The following ZNF497 variants were observed in gnomAD, a reference collection of about 807,000 sequenced individuals.
ZNF497 encodes zinc finger protein 497.
For missense variants in ZNF497, 930 were observed against 714.0 expected (o/e 1.30, Z -3.45); for synonymous variants, 422 against 313.7 (o/e 1.35, Z -3.65).
In ZNF497 at chr19:58,356,759, GGTGCTGCC is replaced by G; in HGVS notation, c.869_876del (p.Arg290ProfsTer35). 6.4e-7 allele frequency: 1 copy of G among 1,561,772 alleles called. No individual in the cohort carries two copies. On this transcript the variant is annotated frameshift_variant, in exon 3 of 3. Coordinates refer to ENST00000311044, the MANE Select transcript of ZNF497 (RefSeq NM_198458.3). Reference sequence around the variant, plus strand: ...GGCTTCTCGCTGCTGTGCGTGCGCCGGTGCTGCCGCAGCCCCGCCACACGCACGAAGGC... The same window carrying G: ...GGCTTCTCGCTGCTGTGCGTGCGCCGGCAGCCCCGCCACACGCACGAAGGC...
In ZNF497 at chr19:58,356,959, G is replaced by A. The variant is rs1340873169; in HGVS notation, c.677C>T (p.Ala226Val). The change falls in exon 3 of 3, where the codon GCC becomes GTC. Residue 226 changes from alanine (A) to valine (V), a missense_variant. Coordinates refer to ENST00000311044, the MANE Select transcript of ZNF497 (RefSeq NM_198458.3). ...CAGGAAATTGGAGTTCCAGCTGAAG[G>A]CCTTGCCGCACTCCGGGCACTCGTA... ...KPYECPECGK[A>V]FSWNSNFLEH... 2 of 1,606,286 alleles carry A rather than the reference G, an allele frequency of 1.2e-6. No individual in the cohort carries two copies. Among genetic ancestry groups the A allele is most frequent in the South Asian group, 2.2e-5 (2 of 90,678 alleles).
At chr19:58,358,988 G>A (rs530821679) in intron 1 of ZNF497, 17 of 476,282 alleles carry the variant, frequency 3.6e-5, no homozygotes, top group African/African-American at 5.9e-5. Flanking sequence ...CTGCTCCTGC[G>A]TGTAGGCCTG....
intron 1 of ZNF497, among the ~76,000 whole-genome samples, chr19:58,361,775 AACG>A (rs980819762): frequency 7.9e-5 from 12 of 152,352 alleles, no homozygotes; most frequent in African/African-American, 2.6e-4. Context: ...ATTTTAAAAA[AACG>A]ACATCTGATT....
Position 58,356,150 on chromosome 19 carries a change from C to T in ZNF497, c.1486G>A (p.Ala496Thr), listed in dbSNP as rs774853662. ...NEHQKRHGGR[A>T]AP ...AGGGCGTCCTCGGGTCAGGGCGCAG[C>T]GCGGCCCCCGTGCCGCTTCTGGTGC... Residue 496 changes from alanine to threonine, a missense_variant, in exon 3 of 3, where the codon GCT (alanine) becomes ACT (threonine). Coordinates refer to ENST00000311044, the MANE Select transcript of ZNF497 (RefSeq NM_198458.3). 7 of 1,559,684 alleles carry T rather than the reference C, an allele frequency of 4.5e-6. No homozygotes were observed. Among genetic ancestry groups the T allele is most frequent in the Non-Finnish European group, 1.7e-6 (2 of 1,152,816 alleles).
rs374628151 is a variant in ZNF497, at chr19:58,356,510, G to C, written c.1126C>G (p.His376Asp). The C allele has an allele frequency of 6.5e-7, 1 of 1,550,042 alleles. No individual in the cohort carries two copies. Among genetic ancestry groups the C allele is most frequent in the African/African-American group, 1.4e-5 (1 of 73,398 alleles). The part of the protein sequence containing the change: ...AFSQRSNLLS[H>D]RRTHSGAKPF... ...TTGGCGCCCGAGTGCGTGCGCCGGT[G>C]GCTCAGTAGGTTGGAGCGCTGGCTG... Residue 376 changes from histidine (H) to aspartate (D), a missense_variant, in exon 3 of 3, where the codon CAC becomes GAC. By Grantham distance (81) the His-to-Asp change is moderately conservative. Transcript: ENST00000311044.
chr19:58,359,605 CAG>C, intron 1 of ZNF497: 1 of 381,056 alleles, frequency 2.6e-6, no homozygotes, highest in Non-Finnish European at 5.3e-6. Context: ...ACAACTAAGA[CAG>C]AGACTGTGAA....
Position 58,356,888 on chromosome 19 carries a change from C to A in ZNF497, c.748G>T (p.Asp250Tyr), listed in dbSNP as rs1182927125. The A allele has an allele frequency of 6.3e-7, 1 of 1,590,494 alleles. No homozygotes were observed. The highest frequency in any genetic ancestry group is 8.5e-7 in the Non-Finnish European group (1 of 1,173,830). ...HTGARPHACR[D>Y]CGKAFSQSSN... ...CTCTGGCTGAAGGCCTTGCCACAGT[C>A]CCGGCAGGCGTGCGGCCGCGCGCCC... Residue 250 changes from aspartate to tyrosine, a missense_variant, in exon 3 of 3, where the codon GAC becomes TAC. Physicochemically the swap from Asp to Tyr is radical, Grantham distance 160. Transcript: ENST00000311044.
intron 1 of ZNF497, chr19:58,359,564 T>A (rs1171633448): frequency 2.3e-6 from 1 of 428,636 alleles, no homozygotes; most frequent in Admixed American, 2.5e-5. Flanking sequence ...CCCTGCCCTG[T>A]CTCCTTGGCA....
At chr19:58,362,159 G>A (rs890814881) in intron 1 of ZNF497, among the ~76,000 whole-genome samples, 1 of 152,196 alleles carries the variant, frequency 6.6e-6, no homozygotes, top group African/African-American at 2.4e-5. Flanking sequence ...GACCAGTCAC[G>A]GGTACTTGTG....
chr19:58,359,047 C>T (rs772821751), intron 1 of ZNF497: 15 of 564,270 alleles, frequency 2.7e-5, no homozygotes, highest in Non-Finnish European at 4.7e-5. Flanking sequence ...CCAAGAGCTC[C>T]AGCATCTGCT....
intron 1 of ZNF497, among the ~76,000 whole-genome samples, chr19:58,360,821 G>A (rs1353139368): frequency 9.5e-6 from 1 of 105,584 alleles, no homozygotes; most frequent in Admixed American, 1.4e-4. Context: ...TTGCTCTGTC[G>A]CCCAGGCTGG....
At chr19:58,361,923 C>T (rs2052098298) in intron 1 of ZNF497, among the ~76,000 whole-genome samples, 1 of 152,216 alleles carries the variant, frequency 6.6e-6, no homozygotes, top group Admixed American at 6.5e-5. Context: ...CAGCCCCCAG[C>T]CGCATCTATC....
Position 58,356,238 on chromosome 19 carries a change from G to GC in ZNF497, c.1397dup (p.Glu467ArgfsTer141). The GC allele has an allele frequency of 1.2e-6, 2 of 1,607,166 alleles. No homozygotes were observed. The highest frequency in any genetic ancestry group is 1.7e-6 in the Non-Finnish European group (2 of 1,177,414). On this transcript the variant is annotated frameshift_variant, in exon 3 of 3. Transcript: ENST00000311044. ...ACTCGCCGCAAGCGTAGGGCCTCTC[G>GC]CCCGTGTGCGTGCGCCGGTGGCTTA...
Position 58,357,358 on chromosome 19 carries a change from C to G in ZNF497, c.278G>C (p.Arg93Pro), listed in dbSNP as rs761424048. The change falls in exon 3 of 3, where the codon CGG (arginine) becomes CCG (proline). Residue 93 changes from arginine (R) to proline (P), a missense_variant. Arg to Pro is a moderately radical substitution (Grantham distance 103). Coordinates refer to ENST00000311044, the MANE Select transcript of ZNF497 (RefSeq NM_198458.3). ...GAGPRSEPAD[R>P]ALRPSPLPEE... ...TGGGAGAGGCGAAGGGCGCAACGCC[C>G]GGTCTGCAGGCTCGCTCCTGGGCCC... is the stretch of plus-strand genomic sequence containing the variant. 6 of 1,594,718 alleles carry G rather than the reference C, an allele frequency of 3.8e-6. No individual in the cohort carries two copies. Among genetic ancestry groups the G allele is most frequent in the South Asian group, 1.1e-5 (1 of 89,154 alleles).
At chr19:58,359,180 G>A in intron 1 of ZNF497, 1 of 1,290,868 alleles carries the variant, frequency 7.7e-7, no homozygotes, top group South Asian at 1.2e-5. Context: ...AGGGCTCTTG[G>A]AGCTGGGCTC....
chr19:58,356,434 A>C lies in ZNF497; in HGVS notation c.1202T>G (p.Leu401Arg), dbSNP rs1178544246. The C allele has an allele frequency of 6.4e-7, 1 of 1,561,270 alleles. No homozygotes were observed. The highest frequency in any genetic ancestry group is 1.4e-5 in the African/African-American group (1 of 74,068). Residue 401 changes from leucine (L) to arginine (R), a missense_variant, in exon 3 of 3, where the codon CTG (leucine) becomes CGG (arginine). Leu to Arg is a moderately radical substitution (Grantham distance 102). Coordinates refer to ENST00000311044, the MANE Select transcript of ZNF497 (RefSeq NM_198458.3). ...CGKAFRGSSG[L>R]AHHRLSHTGE... ...CGTGTGCGAAAGCCGGTGGTGCGCCAGGCCGGAACTGCCGCGGAAGGCCTT... is the reference window on the plus strand; with the variant it reads ...CGTGTGCGAAAGCCGGTGGTGCGCCCGGCCGGAACTGCCGCGGAAGGCCTT...
At chr19:58,362,606 G>T (rs1048045373) in intron 1 of ZNF497, 71 bp downstream of exon 1, 1 of 152,154 alleles carries the variant, frequency 6.6e-6, no homozygotes, top group African/African-American at 2.4e-5. Flanking sequence ...GTCCTGCCCC[G>T]CGCGGCGGGA....
At chr19:58,358,120 C>T in intron 2 of ZNF497, 1 of 1,273,390 alleles carries the variant, frequency 7.9e-7, no homozygotes, top group Non-Finnish European at 1.0e-6. Context: ...TCTGCCTCAC[C>T]CACTCCACCC....
In ZNF497 at chr19:58,359,834, G is replaced by A. The variant is rs1469157329; in HGVS notation, c.-111-1249C>T. ...CTAAAAATACAAAAATTAGCCAGGC[G>A]TGGTGGCAGGCGCCTGTAATCCCAG... is the stretch of plus-strand genomic sequence containing the variant. On this transcript the variant is annotated intron_variant, in intron 1 of 2. Coordinates refer to ENST00000311044, the MANE Select transcript of ZNF497 (RefSeq NM_198458.3). Among the ~76,000 whole-genome samples the A allele has an allele frequency of 9.2e-5, 14 of 152,140 alleles. No homozygotes were observed. In the East Asian group the frequency reaches 2.3e-3, roughly 25 times the overall value.
Sources: gnomAD v4.1 joint callset for allele counts (sites outside exome capture counted in the v4.1 genomes callset) on GRCh38, gnomAD v4.1.1 for gene constraint, MANE v1.5 for transcripts, NCBI Gene and HGNC (gene_info 2026-07-23, HGNC 2026-07-21) for gene names.